Variants in CTSE observed in about 807,000 individuals in gnomAD.
CTSE encodes erythrocyte membrane aspartic proteinase.
Under a neutral mutation model 42.8 loss-of-function variants are expected in CTSE, and 43 were observed. That is an observed-to-expected ratio of 1.01 (90% CI 0.79 to 1.30). CTSE has a LOEUF of 1.30. Among genes scored for constraint, CTSE ranks in the 50% most tolerant of loss-of-function variants. The probability of loss-of-function intolerance (pLI) is 0.00; values close to 1 mark genes in which losing one functional copy is unlikely to be tolerated. For synonymous variants in CTSE, 205 were observed against 191.5 expected (o/e 1.07, Z -0.58); for missense variants, 532 against 493.5 (o/e 1.08, Z -0.74).
chr1:206,021,827 A>G (rs1260594730), intron 3 of CTSE, among the ~76,000 whole-genome samples: 2 of 151,830 alleles, frequency 1.3e-5, no homozygotes, highest in Admixed American at 6.6e-5. Flanking sequence ...ATTAAATTAA[A>G]CTTCCCCTAC....
chr1:206,015,258 C>A (rs548507745), intron 5 of CTSE, among the ~76,000 whole-genome samples: 1 of 152,190 alleles, frequency 6.6e-6, no homozygotes, highest in East Asian at 1.9e-4. Context: ...GAACTTTATA[C>A]CCATTAGGCC....
At position 206,013,910 on chromosome 1, in the gene CTSE, G is replaced by A. The variant is rs1382034172; in HGVS notation, c.663-16C>T. On this transcript the variant is annotated splice_polypyrimidine_tract_variant and intron_variant, in intron 5 of 8. Coordinates refer to ENST00000358184, the MANE Select transcript of CTSE (RefSeq NM_001910.4). The stretch of plus-strand genomic sequence containing the variant: ...TTCTGGGTTACTACATGGAGAGAAA[G>A]ACAAACTGTCCAGGAAGGGCCACTG... The A allele has an allele frequency of 7.4e-6, 12 of 1,613,112 alleles. No individual in the cohort carries two copies. The African/African-American group carries it at 1.3e-4, about 18-fold the overall frequency.
chr1:206,019,218 G>A (rs1372750730), intron 4 of CTSE, among the ~76,000 whole-genome samples: 1 of 152,060 alleles, frequency 6.6e-6, no homozygotes, highest in Non-Finnish European at 1.5e-5. Flanking sequence ...GTGGGTGCTA[G>A]TTAAACAGTG....
chr1:206,020,867 G>A (rs577709565), intron 4 of CTSE, among the ~76,000 whole-genome samples, 182 bp downstream of exon 4: 20 of 152,144 alleles, frequency 1.3e-4, no homozygotes, highest in African/African-American at 4.1e-4. Flanking sequence ...AGGGCCCAGC[G>A]TGCTGTGGAG....
intron 1 of CTSE, among the ~76,000 whole-genome samples, chr1:206,023,408 C>T (rs1553278789): frequency 1.3e-5 from 2 of 151,912 alleles, no homozygotes; most frequent in African/African-American, 4.8e-5. Flanking sequence ...CAGTGATGGT[C>T]AGTCCCCTGG....
chr1:206,016,201 G>A, intron 4 of CTSE, 71 bp from the exon 5 acceptor site: 1 of 1,423,656 alleles, frequency 7.0e-7, no homozygotes, highest in Non-Finnish European at 9.9e-7. Context: ...TTTGACTCCT[G>A]GATTTTCCTC....
At chr1:206,019,805 CATATTATGTAAT>C (rs1321328894) in intron 4 of CTSE, among the ~76,000 whole-genome samples, 1 of 139,528 alleles carries the variant, frequency 7.2e-6, no homozygotes, top group Non-Finnish European at 1.5e-5. Flanking sequence ...AATAGATTAA[CATATTATGTAAT>C]ATATTATGTT....
At position 206,015,956 on chromosome 1, in the gene CTSE, G is replaced by A. The variant is rs782403434; in HGVS notation, c.637C>T (p.Pro213Ser). 6.2e-7 allele frequency: 1 copy of A among 1,613,842 alleles called. No homozygotes were observed. Among genetic ancestry groups the A allele is most frequent in the South Asian group, 1.1e-5 (1 of 91,074 alleles). ...CTGCTCATGTAGACAGAAAACATCGGCAAGTCCACCAGGTTCTGAGCCATC... is the reference window on the plus strand; with the variant it reads ...CTGCTCATGTAGACAGAAAACATCGACAAGTCCACCAGGTTCTGAGCCATC... ...NMMAQNLVDL[P>S]MFSVYMSSNP... Residue 213 changes from proline to serine, a missense_variant, in exon 5 of 9, where the codon CCG (proline) becomes TCG (serine). Physicochemically the swap from Pro to Ser is moderately conservative, Grantham distance 74. Coordinates refer to ENST00000358184, the MANE Select transcript of CTSE (RefSeq NM_001910.4).
In CTSE at chr1:206,013,876, C is replaced by T. The variant is rs146060263; in HGVS notation, c.681G>A (p.Ala227=). The T allele has an allele frequency of 8.1e-6, 13 of 1,613,576 alleles. No individual in the cohort carries two copies. Among genetic ancestry groups the T allele is most frequent in the African/African-American group, 2.7e-5 (2 of 74,890 alleles). The change falls in exon 6 of 9, where the codon GCG becomes GCA. Residue 227 remains alanine, a synonymous_variant. Transcript: ENST00000358184. ...AGCCTCCAAAAATCAGCTCGCTCCCCGCACCACCTTCTGGGTTACTACATG... is the reference window on the plus strand; with the variant it reads ...AGCCTCCAAAAATCAGCTCGCTCCCTGCACCACCTTCTGGGTTACTACATG... The part of the protein sequence containing the change: ...VYMSSNPEGG[A]GSELIFGGYD...
chr1:206,023,008 T>C lies in CTSE; in HGVS notation c.118A>G (p.Ser40Gly). The C allele has an allele frequency of 1.2e-6, 2 of 1,613,270 alleles. No individual in the cohort carries two copies. Among genetic ancestry groups the C allele is most frequent in the Non-Finnish European group, 1.7e-6 (2 of 1,179,500 alleles). ...GATTTCCAGAACTCAGAGAGCTGGC[T>C]CCGTGCCCGCAGCTTCTTCTTGAGG... ...PSLKKKLRAR[S>G]QLSEFWKSHN... The change falls in exon 2 of 9, where the codon AGC becomes GGC. Residue 40 changes from serine to glycine, a missense_variant. Transcript: ENST00000358184.
chr1:206,010,439 A>C, intron 8 of CTSE, 92 bp from the exon 9 acceptor site: 2 of 1,165,466 alleles, frequency 1.7e-6, no homozygotes, highest in South Asian at 2.7e-5. Flanking sequence ...GGTGGCTGGC[A>C]CTGGGTGGCC....
intron 3 of CTSE, 108 bp from the exon 4 acceptor site, chr1:206,021,275 A>G (rs1661414139): frequency 3.5e-6 from 3 of 846,290 alleles, no homozygotes; most frequent in Admixed American, 2.0e-5. Context: ...TCAGCTCTCA[A>G]CACTGAGTGG....
Position 206,023,836 on chromosome 1 carries a change from T to C in CTSE, c.-45A>G. ...TTCTCCCTTGCCCCCTCCTTTCTTC[T>C]CTCCCCGAGGGCAGTGGGAACGGAC... On this transcript the variant is annotated 5_prime_UTR_variant, in exon 1 of 9. Coordinates refer to ENST00000358184, the MANE Select transcript of CTSE (RefSeq NM_001910.4). 6.3e-7 allele frequency: 1 copy of C among 1,597,342 alleles called. No homozygotes were observed.
At chr1:206,020,696 A>T (rs1661391956) in intron 4 of CTSE, among the ~76,000 whole-genome samples, 1 of 151,944 alleles carries the variant, frequency 6.6e-6, no homozygotes, top group African/African-American at 2.4e-5. Context: ...ACTGAGTCCA[A>T]ATCTCTCCCC....
chr1:206,012,433 T>C (rs371482384), intron 7 of CTSE, 27 bp from the exon 8 acceptor site: 2 of 1,613,666 alleles, frequency 1.2e-6, no homozygotes, highest in African/African-American at 2.7e-5. Context: ...AGGATCCGTT[T>C]AGAGCCTTGC....
At position 206,010,266 on chromosome 1, in the gene CTSE, G is replaced by A; in HGVS notation, c.1108C>T (p.Leu370=). ...IHPPAGPLWI[L]GDVFIRQFYS... ...AACTGTCGAATGAAGACATCCCCCA[G>A]GATCCAGAGGGGCCCAGCTGGAGGG... is the stretch of plus-strand genomic sequence containing the variant. The change falls in exon 9 of 9, where the codon CTG becomes TTG. Residue 370 remains leucine (L), a synonymous_variant. Transcript: ENST00000358184. 1 of 1,613,748 alleles carries A rather than the reference G, an allele frequency of 6.2e-7. No homozygotes were observed. The highest frequency in any genetic ancestry group is 8.5e-7 in the Non-Finnish European group (1 of 1,179,750).
At position 206,023,059 on chromosome 1, in the gene CTSE, T is replaced by G; in HGVS notation, c.69-2A>C. The G allele has an allele frequency of 5.0e-6, 8 of 1,607,662 alleles. No individual in the cohort carries two copies. Among genetic ancestry groups the G allele is most frequent in the Non-Finnish European group, 6.8e-6 (8 of 1,176,312 alleles). On this transcript the variant is annotated splice_acceptor_variant, in intron 1 of 8. Transcript: ENST00000358184. LOFTEE classifies it high-confidence loss of function. ...GACGGATGCCTCCTGAGGGGCACCC[T>G]GGAGACAAACCCCCATGTAAGCAGG...
rs531477767 is a variant in CTSE at position 206,010,693 on chromosome 1, G to A, written c.1027-346C>T. On this transcript the variant is annotated intron_variant, in intron 8 of 8. Transcript: ENST00000358184. ...CTAGAAGAGCAAAAGGGTTGGCACCGGAAGACCTTGGTTTAAATTCTGGTT... is the reference window on the plus strand; with the variant it reads ...CTAGAAGAGCAAAAGGGTTGGCACCAGAAGACCTTGGTTTAAATTCTGGTT... 1.4e-4 allele frequency among the ~76,000 whole-genome samples: 21 copies of A among 152,178 alleles called. 1 individual carries two copies. In the South Asian group the frequency reaches 2.3e-3, roughly 17 times the overall value.
intron 4 of CTSE, among the ~76,000 whole-genome samples, chr1:206,018,322 A>G (rs1239005043): frequency 2.0e-5 from 3 of 152,006 alleles, no homozygotes; most frequent in Admixed American, 1.3e-4. Flanking sequence ...ATTTGCTAGT[A>G]TTTCATTTAG....
Sources: allele counts gnomAD v4.1 joint callset (sites outside exome capture counted in the v4.1 genomes callset), GRCh38; gene constraint gnomAD v4.1.1; transcripts MANE v1.5; gene names NCBI Gene and HGNC (gene_info 2026-07-23, HGNC 2026-07-21).